Variants in ARID5B observed in about 807,000 individuals in gnomAD.
ARID5B encodes AT-rich interaction domain 5B.
A neutral mutation model predicts 97.2 loss-of-function variants in ARID5B; 13 were observed. That is an observed-to-expected ratio of 0.13 (90% CI 0.09 to 0.21). The LOEUF (loss-of-function observed/expected upper bound fraction) is 0.21, where lower values mean the gene tolerates loss of function less well. Ranked by LOEUF, ARID5B falls within the 10% of genes least tolerant of loss-of-function variation. ARID5B has a pLI of 1.00. For missense variants in ARID5B, 1,210 were observed against 1,465.3 expected (o/e 0.83, Z 2.84); for synonymous variants, 556 against 570.3 (o/e 0.97, Z 0.36).
At chr10:61,961,725 T>A (rs1419773706) in intron 3 of ARID5B, among the ~76,000 whole-genome samples, 2 of 152,106 alleles carry the variant, frequency 1.3e-5, no homozygotes, top group Non-Finnish European at 2.9e-5. Context: ...AGTGTCTCAA[T>A]TCTGGGCAAT....
rs536520016 is a variant in ARID5B at position 62,095,187 on chromosome 10, T to C, written c.*2157T>C. The C allele has an allele frequency of 1.9e-4, 44 of 233,212 alleles. No individual in the cohort carries two copies. Among genetic ancestry groups the C allele is most frequent in the African/African-American group, 9.7e-4 (44 of 45,430 alleles). 14.4% of individuals were successfully genotyped at this position (233,212 alleles called of 1,614,324 possible). A position where few individuals can be genotyped will look rare whatever the true frequency, so the allele number is the denominator to read the frequency against. On this transcript the variant is annotated 3_prime_UTR_variant, in exon 10 of 10. Transcript: ENST00000279873. ...GTGTGAGTGCAGATTATCCTGCTAT[T>C]GCACAAGCTAGAGGGGGGAAAAATC...
chr10:62,029,155 T>C (rs16916919), intron 4 of ARID5B, among the ~76,000 whole-genome samples: 14,645 of 152,082 alleles, frequency 0.096, 904 homozygotes, highest in Admixed American at 0.21. Flanking sequence ...TCCAGAATAT[T>C]GCAGAGCCAC....
chr10:61,944,062 T>G (rs536976705), intron 3 of ARID5B, among the ~76,000 whole-genome samples: 1 of 152,342 alleles, frequency 6.6e-6, no homozygotes, highest in African/African-American at 2.4e-5. Context: ...AGTGCATTCA[T>G]TCTCTTCCCT....
rs550551564 is a variant in ARID5B, at chr10:61,966,750, C to G, written c.502+26342C>G. 1.5e-3 allele frequency among the ~76,000 whole-genome samples: 229 copies of G among 152,236 alleles called. 1 individual carries two copies. Among genetic ancestry groups the G allele is most frequent in the African/African-American group, 5.3e-3 (222 of 41,548 alleles). On this transcript the variant is annotated intron_variant, in intron 3 of 9. Coordinates refer to ENST00000279873, the MANE Select transcript of ARID5B (RefSeq NM_032199.3). ...ATCTTCCTGGTTCTTCTGACATCTC[C>G]TAATTTCTAGGTGAAACATCCCTGG...
At chr10:62,043,781 A>C (rs1839670830) in intron 4 of ARID5B, among the ~76,000 whole-genome samples, 1 of 152,230 alleles carries the variant, frequency 6.6e-6, no homozygotes, top group African/African-American at 2.4e-5. Context: ...CAGGAGCATT[A>C]ATAATTACTC....
chr10:62,080,333 C>T (rs1323931699), intron 8 of ARID5B, among the ~76,000 whole-genome samples: 1 of 152,304 alleles, frequency 6.6e-6, no homozygotes, highest in Non-Finnish European at 1.5e-5. Flanking sequence ...TGGAGCTTAG[C>T]TTTTACTGTG....
chr10:61,974,876 G>T (rs1232446853), intron 3 of ARID5B, among the ~76,000 whole-genome samples: 1 of 151,370 alleles, frequency 6.6e-6, no homozygotes, highest in Non-Finnish European at 1.5e-5. Flanking sequence ...TAATTTTGGA[G>T]TATGATTGAT....
intron 2 of ARID5B, among the ~76,000 whole-genome samples, chr10:61,915,713 T>A (rs1843889780): frequency 6.6e-6 from 1 of 152,200 alleles, no homozygotes; most frequent in African/African-American, 2.4e-5. Flanking sequence ...CTAAGGCCCA[T>A]AGGCCAACTC....
At chr10:62,038,669 A>G (rs971791959) in intron 4 of ARID5B, among the ~76,000 whole-genome samples, 3 of 152,224 alleles carry the variant, frequency 2.0e-5, no homozygotes, top group African/African-American at 7.2e-5. Context: ...CAATCTCCAC[A>G]TAAGAGGGCT....
At chr10:62,058,738 T>C (rs1296040364) in intron 6 of ARID5B, among the ~76,000 whole-genome samples, 1 of 152,214 alleles carries the variant, frequency 6.6e-6, no homozygotes, top group African/African-American at 2.4e-5. Flanking sequence ...CACATGTTGG[T>C]GAAATACTGT....
rs1024812601 is a variant in ARID5B, at chr10:62,081,782, C to T, written c.1200-3920C>T. 3.9e-5 allele frequency among the ~76,000 whole-genome samples: 6 copies of T among 152,186 alleles called. No homozygotes were observed. In the East Asian group the frequency reaches 7.7e-4, roughly 19 times the overall value. ...TAGATTTGCTGACCCCTGACTTCTG[C>T]TGTAGAGAAATGTATTGAATTTTTC... On this transcript the variant is annotated intron_variant, in intron 8 of 9. Transcript: ENST00000279873.
At chr10:61,915,854 C>G (rs925292977) in intron 2 of ARID5B, among the ~76,000 whole-genome samples, 2 of 152,182 alleles carry the variant, frequency 1.3e-5, no homozygotes, top group African/African-American at 4.8e-5. Context: ...CTCCCAGATT[C>G]AAGTGATTCT....
At chr10:62,050,809 T>A in intron 4 of ARID5B, 79 bp from the exon 5 acceptor site, 1 of 1,194,256 alleles carries the variant, frequency 8.4e-7, no homozygotes, top group Non-Finnish European at 1.2e-6. Flanking sequence ...AAGGGATCAC[T>A]GTAGTGAGAT....
chr10:61,959,845 G>A (rs780752377), intron 3 of ARID5B, among the ~76,000 whole-genome samples: 5 of 152,136 alleles, frequency 3.3e-5, no homozygotes, highest in Non-Finnish European at 5.9e-5. Context: ...TAACTTGGGA[G>A]GGCAGCATGG....
rs1474170939 is a variant in ARID5B, at chr10:62,085,898, G to A, written c.1396G>A (p.Glu466Lys). ...ENAPKPQDAA[E>K]VSSEQEKEQE... is the part of the protein sequence containing the mutation. Reference sequence around the variant, plus strand: ...TGCCCCAAAGCCCCAGGATGCAGCAGAGGTGAGTTGCTTTGCTCCATAGAA... The same window carrying A: ...TGCCCCAAAGCCCCAGGATGCAGCAAAGGTGAGTTGCTTTGCTCCATAGAA... Residue 466 changes from glutamate to lysine, a missense_variant and splice_region_variant, in exon 9 of 10, where the codon GAG becomes AAG. Coordinates refer to ENST00000279873, the MANE Select transcript of ARID5B (RefSeq NM_032199.3). 1 of 1,609,820 alleles carries A rather than the reference G, an allele frequency of 6.2e-7. No homozygotes were observed. The highest frequency in any genetic ancestry group is 1.7e-5 in the Admixed American group (1 of 58,902).
intron 4 of ARID5B, among the ~76,000 whole-genome samples, chr10:62,013,643 T>G (rs886210374): frequency 1.3e-5 from 2 of 152,036 alleles, no homozygotes; most frequent in African/African-American, 4.8e-5. Context: ...ATTCAACATT[T>G]TTAGATGCTA....
chr10:61,967,591 T>A (rs1364030713), intron 3 of ARID5B, among the ~76,000 whole-genome samples: 1 of 152,222 alleles, frequency 6.6e-6, no homozygotes, highest in Non-Finnish European at 1.5e-5. Flanking sequence ...TGTTGTAGAA[T>A]GACAAGTGGA....
intron 3 of ARID5B, among the ~76,000 whole-genome samples, chr10:61,975,820 C>A (rs1199446386): frequency 6.6e-6 from 1 of 151,968 alleles, no homozygotes; most frequent in Non-Finnish European, 1.5e-5. Context: ...TCATAGGGAG[C>A]GATCTAGAAA....
rs759927800 is a variant in ARID5B, at chr10:62,091,259, C to T, written c.1796C>T (p.Pro599Leu). The part of the protein sequence containing the change: ...EPQEASFPSF[P>L]TTQPPLANQN... ...CAAGAAGCATCCTTCCCCAGCTTCC[C>T]CACCACACAGCCACCGCTGGCAAAC... Residue 599 changes from proline (P) to leucine (L), a missense_variant, in exon 10 of 10, where the codon CCC becomes CTC. Physicochemically the swap from Pro to Leu is moderately conservative, Grantham distance 98. Transcript: ENST00000279873. The T allele has an allele frequency of 4.3e-6, 7 of 1,614,046 alleles. No homozygotes were observed. The African/African-American group carries it at 5.3e-5, about 12-fold the overall frequency.
Sources: allele counts gnomAD v4.1 joint callset (sites outside exome capture counted in the v4.1 genomes callset), GRCh38; gene constraint gnomAD v4.1.1; transcripts MANE v1.5; gene names NCBI Gene and HGNC (gene_info 2026-07-23, HGNC 2026-07-21).